Variants in PDE4D observed in about 807,000 individuals in gnomAD.
PDE4D encodes the protein 3',5'-cyclic-AMP phosphodiesterase 4D.
A neutral mutation model predicts 87.4 loss-of-function variants in PDE4D; 24 were observed. That is an observed-to-expected ratio of 0.27 (90% CI 0.20 to 0.39). PDE4D has a LOEUF of 0.39. Ranked by LOEUF, PDE4D falls within the 10% of genes least tolerant of loss-of-function variation. PDE4D has a pLI of 1.00. For missense variants in PDE4D, 714 were observed against 1,041.0 expected, an observed-to-expected ratio of 0.69 and a Z score of 4.32; for synonymous variants, 384 against 383.2, an observed-to-expected ratio of 1.00 and a Z score of -0.02.
chr5:59,006,155 C>T (rs1415369315), intron 6 of PDE4D, among the ~76,000 whole-genome samples: 1 of 152,230 alleles, frequency 6.6e-6, no homozygotes, highest in African/African-American at 2.4e-5. Context: ...TCTGACAACA[C>T]AACTTGAGGG....
chr5:59,079,838 G>GGGAGAGGAGGGGAGAGGAGA, intron 5 of PDE4D, among the ~76,000 whole-genome samples: 1 of 111,246 alleles, frequency 9.0e-6, no homozygotes, highest in South Asian at 3.2e-4. Flanking sequence ...AGGAAAGGAG[G>GGGAGAGGAGGGGAGAGGAGA]GGAGAGGAGG....
chr5:59,797,678 C>T (rs1191023565), intron 1 of PDE4D, among the ~76,000 whole-genome samples: 1 of 152,094 alleles, frequency 6.6e-6, no homozygotes. Context: ...ACTAGAACTC[C>T]ACTATGCAGG....
At chr5:59,434,618 C>T (rs543470440) in intron 1 of PDE4D, among the ~76,000 whole-genome samples, 28 of 152,194 alleles carry the variant, frequency 1.8e-4, no homozygotes, top group African/African-American at 6.7e-4. Context: ...TCTGCTGTTA[C>T]CATCAGCTGC....
chr5:59,356,900 G>T lies in PDE4D; in HGVS notation c.456-140932C>A, dbSNP rs555189757. ...AACCACGAGAAGTCAGAGCTGGTGC[G>T]GGGCTCTGGGGCCCTGAGGCCCCGC... On this transcript the variant is annotated intron_variant, in intron 1 of 14. Coordinates refer to ENST00000340635, the MANE Select transcript of PDE4D (RefSeq NM_001104631.2). 6.5e-5 allele frequency: 96 copies of T among 1,477,444 alleles called. No homozygotes were observed. The South Asian group carries it at 1.3e-3, about 20-fold the overall frequency. The allele number at this position is 1,477,444 out of a possible 1,614,324, so 91.5% of individuals were successfully genotyped here. A position where few individuals can be genotyped will look rare whatever the true frequency, so the allele number is the denominator to read the frequency against.
In PDE4D at chr5:59,909,367, C is replaced by T. The variant is rs1011253587; in HGVS notation, c.272+79121G>A. Among the ~76,000 whole-genome samples the T allele has an allele frequency of 2.0e-5, 3 of 150,380 alleles. No individual in the cohort carries two copies. In the East Asian group the frequency reaches 6.0e-4, roughly 30 times the overall value. On this transcript the variant is annotated intron_variant, in intron 3 of 16. Coordinates refer to the PDE4D transcript ENST00000502484. ...AATCTCTGGAGTAAGGTTCAGGAAT[C>T]GGCAATTTTAACAAGCTCCTTAGGT...
At chr5:60,469,521 C>A (rs1326175356) in intron 1 of PDE4D, among the ~76,000 whole-genome samples, 1 of 152,182 alleles carries the variant, frequency 6.6e-6, no homozygotes, top group African/African-American at 2.4e-5. Context: ...TGCTTTATTG[C>A]ACTTTGCGGA....
chr5:59,891,283 A>G (rs1270530158), intron 1 of PDE4D, among the ~76,000 whole-genome samples: 1 of 152,240 alleles, frequency 6.6e-6, no homozygotes, highest in Non-Finnish European at 1.5e-5. Context: ...GGCATATTCT[A>G]TTTTATTAAA....
intron 1 of PDE4D, among the ~76,000 whole-genome samples, chr5:59,753,485 C>T (rs558029094): frequency 2.0e-5 from 3 of 151,938 alleles, no homozygotes; most frequent in East Asian, 1.9e-4. Context: ...GGATCTTCCA[C>T]GTGGAAATGT....
chr5:59,011,703 G>A (rs1752848039), intron 6 of PDE4D, among the ~76,000 whole-genome samples: 1 of 152,218 alleles, frequency 6.6e-6, no homozygotes, highest in African/African-American at 2.4e-5. Flanking sequence ...AGTGATGGGA[G>A]AATGGAACCA....
chr5:59,549,266 T>C (rs1817739251), intron 1 of PDE4D, among the ~76,000 whole-genome samples: 1 of 152,168 alleles, frequency 6.6e-6, no homozygotes, highest in Non-Finnish European at 1.5e-5. Flanking sequence ...CTGTGAAATG[T>C]TAAGTGTTCA....
At chr5:59,587,542 C>T in intron 1 of PDE4D, 1 of 985,404 alleles carries the variant, frequency 1.0e-6, no homozygotes, top group Non-Finnish European at 1.2e-6. Flanking sequence ...TCCTCGCAGC[C>T]GCCTTGTCTG....
chr5:60,118,087 G>T (rs1306912175), intron 2 of PDE4D, among the ~76,000 whole-genome samples: 1 of 152,006 alleles, frequency 6.6e-6, no homozygotes, highest in Non-Finnish European at 1.5e-5. Flanking sequence ...TTGTTTCTAG[G>T]CCACTGCATA....
intron 1 of PDE4D, among the ~76,000 whole-genome samples, chr5:59,448,573 G>T (rs895257489): frequency 6.6e-6 from 1 of 152,176 alleles, no homozygotes; most frequent in African/African-American, 2.4e-5. Context: ...AATGTGTTTT[G>T]TTTTGTTTCT....
intron 1 of PDE4D, among the ~76,000 whole-genome samples, chr5:59,734,471 A>T (rs1757809391): frequency 6.6e-6 from 1 of 152,186 alleles, no homozygotes; most frequent in South Asian, 2.1e-4. Flanking sequence ...AGACAAGCCT[A>T]TAAAGAAAAG....
intron 3 of PDE4D, among the ~76,000 whole-genome samples, chr5:59,186,744 G>A (rs1290440379): frequency 6.6e-6 from 1 of 152,118 alleles, no homozygotes; most frequent in East Asian, 1.9e-4. Context: ...GAAGCCAACC[G>A]TGATTAACTC....
chr5:59,489,754 A>G (rs186412867), intron 1 of PDE4D, among the ~76,000 whole-genome samples: 33 of 152,316 alleles, frequency 2.2e-4, no homozygotes, highest in Middle Eastern at 3.4e-3. Context: ...GAAACTTGCA[A>G]TGAAAGAACT....
chr5:59,458,644 G>C (rs1800282556), intron 1 of PDE4D, among the ~76,000 whole-genome samples: 1 of 152,180 alleles, frequency 6.6e-6, no homozygotes, highest in Admixed American at 6.5e-5. Flanking sequence ...TAAGCAAGGG[G>C]ATAAAAACAA....
chr5:60,060,911 G>A (rs777676621), intron 2 of PDE4D, among the ~76,000 whole-genome samples: 2 of 151,998 alleles, frequency 1.3e-5, no homozygotes, highest in African/African-American at 2.4e-5. Flanking sequence ...CAATAAACTA[G>A]ATATTGATGG....
intron 2 of PDE4D, among the ~76,000 whole-genome samples, chr5:59,989,837 G>T (rs2152831506): frequency 6.6e-6 from 1 of 152,252 alleles, no homozygotes; most frequent in East Asian, 1.9e-4. Flanking sequence ...CTTCTATAGA[G>T]TGTTGGGTTT....
Sources: gnomAD v4.1 joint callset for allele counts (sites outside exome capture counted in the v4.1 genomes callset) on GRCh38, gnomAD v4.1.1 for gene constraint, MANE v1.5 for transcripts, NCBI Gene and HGNC (gene_info 2026-07-23, HGNC 2026-07-21) for gene names.